The following HSD3B2 variants were observed in gnomAD, a reference collection of about 807,000 sequenced individuals.
HSD3B2 encodes the protein 3 beta-hydroxysteroid dehydrogenase/Delta 5-->4-isomerase type 2.
In HSD3B2, 8 loss-of-function variants were observed where a neutral mutation model predicts 9.9. The observed-to-expected ratio is 0.81, with a 90% confidence interval of 0.47 to 1.46. HSD3B2 has a LOEUF of 1.46. Among genes scored for constraint, HSD3B2 ranks in the 40% most tolerant of loss-of-function variants. The pLI is 0.00. For synonymous variants in HSD3B2, 221 were observed against 184.5 expected (o/e 1.20, Z -1.60); for missense variants, 410 against 448.3 (o/e 0.91, Z 0.77).
intron 3 of HSD3B2, among the ~76,000 whole-genome samples, chr1:119,421,548 A>C (rs1264880499): frequency 1.4e-5 from 2 of 147,432 alleles, no homozygotes; most frequent in Non-Finnish European, 3.0e-5. Flanking sequence ...CACACACACC[A>C]CACACAAACA....
At chr1:119,416,980 T>C (rs587709201) in intron 2 of HSD3B2, among the ~76,000 whole-genome samples, 1 of 152,310 alleles carries the variant, frequency 6.6e-6, no homozygotes, top group African/African-American at 2.4e-5. Flanking sequence ...CAGAGAATCC[T>C]TTCAGTGTTC....
In HSD3B2 at chr1:119,421,828, G is replaced by A; in HGVS notation, c.327G>A (p.Glu109=). The A allele has an allele frequency of 6.2e-7, 1 of 1,613,746 alleles. No individual in the cohort carries two copies. Among genetic ancestry groups the A allele is most frequent in the South Asian group, 1.1e-5 (1 of 91,048 alleles). The change falls in exon 4 of 4, where the codon GAG becomes GAA. Residue 109 remains glutamate, a synonymous_variant. Transcript: ENST00000369416. ...GGGCAGGTACCCAGCTACTGTTGGA[G>A]GCCTGTGTCCAAGCCAGTGTGCCAG... ...VNVKGTQLLL[E]ACVQASVPVF...
At position 119,415,560 on chromosome 1, in the gene HSD3B2, T is replaced by C; in HGVS notation, c.141T>C (p.Ser47=). 2 of 1,613,722 alleles carry C rather than the reference T, an allele frequency of 1.2e-6. No homozygotes were observed. The highest frequency in any genetic ancestry group is 1.7e-6 in the Non-Finnish European group (2 of 1,179,736). The part of the protein sequence containing the change: ...AFRPELREEF[S]KLQNRTKLTV... Reference sequence around the variant, plus strand: ...GACCAGAATTGAGAGAGGAATTTTCTAGTAAGTAAACTTGAGTCATGGGTC... The same window carrying C: ...GACCAGAATTGAGAGAGGAATTTTCCAGTAAGTAAACTTGAGTCATGGGTC... Residue 47 remains serine, a splice_region_variant and synonymous_variant, in exon 2 of 4, where the codon TCT becomes TCC. Transcript: ENST00000369416.
chr1:119,419,874 CT>C (rs1275153775), intron 3 of HSD3B2: 2 of 405,364 alleles, frequency 4.9e-6, no homozygotes, highest in Non-Finnish European at 9.3e-6. Flanking sequence ...TGTGGAAGCT[CT>C]TTCTACTGTG....
intron 3 of HSD3B2, among the ~76,000 whole-genome samples, chr1:119,421,037 ACT>A (rs1394218039): frequency 6.6e-6 from 1 of 152,028 alleles, no homozygotes; most frequent in Admixed American, 6.5e-5. Context: ...CCCACAACCC[ACT>A]GTTTGCTCGA....
chr1:119,418,546 C>T (rs949792117), intron 2 of HSD3B2, among the ~76,000 whole-genome samples: 2 of 152,180 alleles, frequency 1.3e-5, no homozygotes, highest in East Asian at 1.9e-4. Flanking sequence ...CTCATTTCCC[C>T]TATACCAGTC....
chr1:119,419,459 A>T lies in HSD3B2; in HGVS notation c.184A>T (p.Ile62Phe). The change falls in exon 3 of 4, where the codon ATT (isoleucine) becomes TTT (phenylalanine). Residue 62 changes from isoleucine to phenylalanine, a missense_variant. Transcript: ENST00000369416. ...RTKLTVLEGD[I>F]LDEPFLKRAC... ...CAAGCTGACTGTACTTGAAGGAGAC[A>T]TTCTGGATGAGCCATTCCTGAAAAG... 6.2e-7 allele frequency: 1 copy of T among 1,613,714 alleles called. No homozygotes were observed. The highest frequency in any genetic ancestry group is 8.5e-7 in the Non-Finnish European group (1 of 1,179,792).
chr1:119,415,398 C>T lies in HSD3B2; in HGVS notation c.-22C>T. 1 of 1,613,488 alleles carries T rather than the reference C, an allele frequency of 6.2e-7. No homozygotes were observed. Among genetic ancestry groups the T allele is most frequent in the Non-Finnish European group, 8.5e-7 (1 of 1,179,688 alleles). The stretch of plus-strand genomic sequence containing the variant: ...TCTTCTGTTTCCTGGCAAGTGTTTC[C>T]TGCTACTTTGGATTGGCCACGATGG... On this transcript the variant is annotated 5_prime_UTR_variant, in exon 2 of 4. Coordinates refer to ENST00000369416, the MANE Select transcript of HSD3B2 (RefSeq NM_000198.4).
Position 119,415,203 on chromosome 1 carries a change from G to C in HSD3B2, c.-90+1G>C. 1.8e-6 allele frequency: 1 copy of C among 545,894 alleles called. No homozygotes were observed. Among genetic ancestry groups the C allele is most frequent in the Admixed American group, 2.8e-5 (1 of 35,736 alleles). 33.8% of individuals were successfully genotyped at this position (545,894 alleles called of 1,614,324 possible). ...CCAGCTTTTAACAATCTAAGTTACGGTTAGAGCTTTCTCCTTTTCTTTCAA... is the reference window on the plus strand; with the variant it reads ...CCAGCTTTTAACAATCTAAGTTACGCTTAGAGCTTTCTCCTTTTCTTTCAA... On this transcript the variant is annotated splice_donor_variant, in intron 1 of 3. Transcript: ENST00000369416. LOFTEE classifies it low-confidence loss of function (5UTR_SPLICE).
In HSD3B2 at chr1:119,421,918, C is replaced by A. The variant is rs369303483; in HGVS notation, c.417C>A (p.Asn139Lys). ...GPNSYKEIIQ[N>K]GHEEEPLENT... ...ACTCCTACAAGGAAATCATCCAGAA[C>A]GGCCACGAAGAAGAGCCTCTGGAAA... The change falls in exon 4 of 4, where the codon AAC (asparagine) becomes AAA (lysine). Residue 139 changes from asparagine to lysine, a missense_variant. Transcript: ENST00000369416. 3.1e-6 allele frequency: 5 copies of A among 1,613,884 alleles called. No individual in the cohort carries two copies. The highest frequency in any genetic ancestry group is 4.2e-6 in the Non-Finnish European group (5 of 1,180,002).
chr1:119,421,657 C>T (rs1011759505), intron 3 of HSD3B2, 152 bp from the exon 4 acceptor site: 21 of 905,996 alleles, frequency 2.3e-5, no homozygotes, highest in Non-Finnish European at 3.8e-5. Flanking sequence ...TGTATCATGA[C>T]CCAATCTCAG....
chr1:119,416,491 G>A (rs1651713818), intron 2 of HSD3B2, among the ~76,000 whole-genome samples: 1 of 152,174 alleles, frequency 6.6e-6, no homozygotes, highest in Admixed American at 6.5e-5. Flanking sequence ...AAGAACAGCT[G>A]ATTAATGTGT....
chr1:119,421,414 TATGTATATATATG>T (rs1651857152), intron 3 of HSD3B2, among the ~76,000 whole-genome samples: 4 of 32,846 alleles, frequency 1.2e-4, no homozygotes, highest in African/African-American at 7.5e-4. Flanking sequence ...TATATATATA[TATGTATATATATG>T]TATATATATA....
At chr1:119,416,301 A>T (rs116767396) in intron 2 of HSD3B2, among the ~76,000 whole-genome samples, 85 of 152,310 alleles carry the variant, frequency 5.6e-4, no homozygotes, top group African/African-American at 1.9e-3. Context: ...TATATTTCTC[A>T]TATATAGCCT....
In HSD3B2 at chr1:119,419,589, T is replaced by C. The variant is rs1651805119; in HGVS notation, c.307+7T>C. On this transcript the variant is annotated splice_region_variant and intron_variant, in intron 3 of 3. Transcript: ENST00000369416. ...ATGAATGTCAATGTGAAAGGTACAG[T>C]AGCCTGGGGAGGAGATAAAACAAGT... 1 of 1,613,296 alleles carries C rather than the reference T, an allele frequency of 6.2e-7. No homozygotes were observed. Among genetic ancestry groups the C allele is most frequent in the Non-Finnish European group, 8.5e-7 (1 of 1,179,376 alleles).
At chr1:119,419,721 G>A (rs1651809353) in intron 3 of HSD3B2, 139 bp downstream of exon 3, 1 of 825,204 alleles carries the variant, frequency 1.2e-6, no homozygotes, top group Non-Finnish European at 2.0e-6. Flanking sequence ...CTACTGACTG[G>A]GGAGTTCAAG....
rs1570817122 is a variant in HSD3B2 at position 119,416,071 on chromosome 1, G to T, written c.142+510G>T. On this transcript the variant is annotated intron_variant, in intron 2 of 3. Transcript: ENST00000369416. Reference sequence around the variant, plus strand: ...TAATTGTGTGTGTGTGTCAGACAGAGAAAGAAAATGAGGGGGAAAGAAGGT... The same window carrying T: ...TAATTGTGTGTGTGTGTCAGACAGATAAAGAAAATGAGGGGGAAAGAAGGT... Among the ~76,000 whole-genome samples, 4 of 152,070 alleles carry T rather than the reference G, an allele frequency of 2.6e-5. No homozygotes were observed. In the South Asian group the frequency reaches 8.3e-4, roughly 32 times the overall value.
At position 119,422,275 on chromosome 1, in the gene HSD3B2, C is replaced by T; in HGVS notation, c.774C>T (p.Asp258=). Residue 258 remains aspartate (D), a synonymous_variant, in exon 4 of 4, where the codon GAC becomes GAT. Transcript: ENST00000369416. ...GTCAATTCTATTACATCTCAGATGA[C>T]ACGCCTCACCAAAGCTATGATAACC... ...VRGQFYYISD[D]TPHQSYDNLN... 6 of 1,614,134 alleles carry T rather than the reference C, an allele frequency of 3.7e-6. No homozygotes were observed. Among genetic ancestry groups the T allele is most frequent in the Non-Finnish European group, 5.1e-6 (6 of 1,180,008 alleles).
chr1:119,416,038 T>C (rs774787031), intron 2 of HSD3B2, among the ~76,000 whole-genome samples: 13 of 152,024 alleles, frequency 8.6e-5, no homozygotes, highest in Non-Finnish European at 1.9e-4. Flanking sequence ...AAGGTACGGA[T>C]GTGTGTGTAA....
Sources: allele counts gnomAD v4.1 joint callset (sites outside exome capture counted in the v4.1 genomes callset), GRCh38; gene constraint gnomAD v4.1.1; transcripts MANE v1.5; gene names NCBI Gene and HGNC (gene_info 2026-07-23, HGNC 2026-07-21).